HELZ: variants seen among roughly 807,000 people sequenced by gnomAD.
HELZ encodes helicase with zinc finger.
In HELZ, 23 loss-of-function variants were observed where a neutral mutation model predicts 218.2. That is an observed-to-expected ratio of 0.11 (90% CI 0.08 to 0.15). HELZ has a LOEUF of 0.15. Among genes scored for constraint, HELZ ranks in the 10% least tolerant of loss-of-function variants. The probability of loss-of-function intolerance (pLI) is 1.00; values close to 1 mark genes in which losing one functional copy is unlikely to be tolerated. For synonymous variants in HELZ, 814 were observed against 829.4 expected (o/e 0.98, Z 0.32); for missense variants, 1,813 against 2,353.7 (o/e 0.77, Z 4.75).
intron 23 of HELZ, among the ~76,000 whole-genome samples, chr17:67,135,204 C>T (rs1001129987): frequency 1.3e-5 from 2 of 152,084 alleles, no homozygotes; most frequent in African/African-American, 2.4e-5. Context: ...GTAATGACCA[C>T]GTCTAACCCC....
At chr17:67,084,672 AAAAAAG>A (rs940019969) in intron 32 of HELZ, among the ~76,000 whole-genome samples, 2 of 152,034 alleles carry the variant, frequency 1.3e-5, no homozygotes, top group African/African-American at 4.8e-5. Flanking sequence ...CAAAAAAAAA[AAAAAAG>A]AAAGAAAAAG....
At chr17:67,206,724 C>T (rs1416955463) in intron 5 of HELZ, among the ~76,000 whole-genome samples, 5 of 151,472 alleles carry the variant, frequency 3.3e-5, no homozygotes, top group East Asian at 1.9e-4. Context: ...TCCAGCCTCC[C>T]GAGTAGCTGG....
chr17:67,204,091 C>T (rs977040862), intron 5 of HELZ, among the ~76,000 whole-genome samples: 7 of 152,204 alleles, frequency 4.6e-5, no homozygotes, highest in Admixed American at 2.0e-4. Flanking sequence ...GTAGAGCAAT[C>T]TATATCCTCT....
chr17:67,149,286 A>G (rs1366796181), intron 19 of HELZ, among the ~76,000 whole-genome samples: 1 of 152,174 alleles, frequency 6.6e-6, no homozygotes, highest in African/African-American at 2.4e-5. Context: ...CCCGACAGCT[A>G]TATAGTATGA....
chr17:67,130,753 C>T (rs2037953715), intron 23 of HELZ, among the ~76,000 whole-genome samples: 1 of 152,176 alleles, frequency 6.6e-6, no homozygotes, highest in Non-Finnish European at 1.5e-5. Flanking sequence ...ATACTACATT[C>T]AAAAGAAAGG....
At chr17:67,220,963 A>G (rs1156929162) in intron 3 of HELZ, among the ~76,000 whole-genome samples, 1 of 150,706 alleles carries the variant, frequency 6.6e-6, no homozygotes, top group African/African-American at 2.4e-5. Flanking sequence ...GTTTAAGGGT[A>G]AGGGGATTTA....
intron 19 of HELZ, among the ~76,000 whole-genome samples, 153 bp from the exon 20 acceptor site, chr17:67,148,867 T>C (rs2038589845): frequency 6.6e-6 from 1 of 152,244 alleles, no homozygotes; most frequent in African/African-American, 2.4e-5. Flanking sequence ...ATATTTTCTC[T>C]GAACCATTAC....
chr17:67,203,863 A>G (rs9908264), intron 5 of HELZ, among the ~76,000 whole-genome samples: 2,381 of 152,344 alleles, frequency 0.016, 70 homozygotes, highest in African/African-American at 0.052. Flanking sequence ...AGATATTCCT[A>G]AGCAATTAAG....
chr17:67,199,210 C>CTTTTTTT (rs1156398239), intron 7 of HELZ, among the ~76,000 whole-genome samples: 1 of 122,984 alleles, frequency 8.1e-6, no homozygotes, highest in Non-Finnish European at 1.7e-5. Flanking sequence ...TTTGCCATTA[C>CTTTTTTT]TTTTTTTTTT....
intron 13 of HELZ, among the ~76,000 whole-genome samples, chr17:67,168,459 C>T (rs1268309333): frequency 6.6e-6 from 1 of 152,122 alleles, no homozygotes; most frequent in Non-Finnish European, 1.5e-5. Flanking sequence ...GAACACACCA[C>T]TGGGACAATA....
Position 67,137,912 on chromosome 17 carries a change from C to T in HELZ, c.2953+19G>A. ...ATTTAAGCATTTGAATGACTGAATTCATTTCAATTGACACTTACCTTGAAC... is the reference window on the plus strand; with the variant it reads ...ATTTAAGCATTTGAATGACTGAATTTATTTCAATTGACACTTACCTTGAAC... On this transcript the variant is annotated intron_variant, in intron 22 of 32. Coordinates refer to ENST00000358691, the MANE Select transcript of HELZ (RefSeq NM_014877.4). 6.4e-7 allele frequency: 1 copy of T among 1,557,082 alleles called. No individual in the cohort carries two copies. The highest frequency in any genetic ancestry group is 8.8e-7 in the Non-Finnish European group (1 of 1,140,396).
chr17:67,200,768 G>A (rs2040148144), intron 7 of HELZ: 1 of 212,072 alleles, frequency 4.7e-6, no homozygotes, highest in South Asian at 9.7e-5. Context: ...AATAAGGCTT[G>A]AGGATATCTC....
At chr17:67,091,574 A>G (rs1395174934) in intron 31 of HELZ, among the ~76,000 whole-genome samples, 4 of 152,188 alleles carry the variant, frequency 2.6e-5, no homozygotes, top group Non-Finnish European at 5.9e-5. Flanking sequence ...TTTAACGTCA[A>G]TAGATCAGAA....
At chr17:67,209,033 A>AAGGGAGGGAGGG (rs1177640990) in intron 5 of HELZ, among the ~76,000 whole-genome samples, 1 of 112,486 alleles carries the variant, frequency 8.9e-6, no homozygotes, top group Non-Finnish European at 1.7e-5. Flanking sequence ...GGAAGGGAGG[A>AAGGGAGGGAGGG]AGGGAGGGAG....
At chr17:67,206,056 G>GA (rs1346017918) in intron 5 of HELZ, among the ~76,000 whole-genome samples, 1 of 152,090 alleles carries the variant, frequency 6.6e-6, no homozygotes, top group Non-Finnish European at 1.5e-5. Flanking sequence ...GAAAAAGCTT[G>GA]GGGGAAAAAA....
At chr17:67,195,238 T>C (rs1049593297) in intron 8 of HELZ, among the ~76,000 whole-genome samples, 181 bp downstream of exon 8, 1 of 152,184 alleles carries the variant, frequency 6.6e-6, no homozygotes, top group Non-Finnish European at 1.5e-5. Context: ...CATTATTCTA[T>C]GAAAAGGTGC....
intron 10 of HELZ, 130 bp downstream of exon 10, chr17:67,190,027 A>G: frequency 1.3e-6 from 1 of 743,516 alleles, no homozygotes; most frequent in Non-Finnish European, 2.2e-6. Flanking sequence ...TACTAAAAAC[A>G]TCATTCTATC....
Position 67,145,910 on chromosome 17 carries a change from G to T in HELZ, c.2622-20C>A. On this transcript the variant is annotated intron_variant, in intron 20 of 32. Transcript: ENST00000358691. The stretch of plus-strand genomic sequence containing the variant: ...GTATAACTGCAGTAAAAGACAAAAA[G>T]AAAAAAGGGGGAAAATCTACATCAA... 1 of 1,563,628 alleles carries T rather than the reference G, an allele frequency of 6.4e-7. No individual in the cohort carries two copies. The highest frequency in any genetic ancestry group is 1.2e-5 in the South Asian group (1 of 80,962).
chr17:67,122,767 C>T (rs2037654210), intron 26 of HELZ, among the ~76,000 whole-genome samples: 1 of 151,968 alleles, frequency 6.6e-6, no homozygotes, highest in Admixed American at 6.6e-5. Flanking sequence ...AATTTCTTCA[C>T]AGTCACTAGT....
Sources: gnomAD v4.1 joint callset for allele counts (sites outside exome capture counted in the v4.1 genomes callset) on GRCh38, gnomAD v4.1.1 for gene constraint, MANE v1.5 for transcripts, NCBI Gene and HGNC (gene_info 2026-07-23, HGNC 2026-07-21) for gene names.